The following SCMH1 variants were observed in gnomAD, a reference collection of about 807,000 sequenced individuals.
SCMH1 encodes polycomb protein SCMH1.
A neutral mutation model predicts 70.8 loss-of-function variants in SCMH1; 37 were observed. The observed-to-expected ratio is 0.52, with a 90% confidence interval of 0.40 to 0.69. The LOEUF is 0.69. Among genes scored for constraint, SCMH1 ranks in the 30% least tolerant of loss-of-function variants. SCMH1 has a pLI of 0.00. For synonymous variants in SCMH1, 292 were observed against 307.4 expected (o/e 0.95, Z 0.52); for missense variants, 607 against 827.3 (o/e 0.73, Z 3.27).
chr1:41,224,862 A>C (rs1198212701), intron 1 of SCMH1, among the ~76,000 whole-genome samples: 1 of 152,162 alleles, frequency 6.6e-6, no homozygotes, highest in Admixed American at 6.6e-5. Context: ...CTTTATTACA[A>C]GTGAAGAAAA....
At chr1:41,200,606 C>T (rs773498549) in intron 1 of SCMH1, among the ~76,000 whole-genome samples, 32 of 151,126 alleles carry the variant, frequency 2.1e-4, no homozygotes, top group Non-Finnish European at 3.8e-4. Flanking sequence ...CCTTTACACA[C>T]GCACACATAA....
exon 6 of SCMH1, chr1:41,142,989 G>A (rs1241213097): frequency 2.5e-6 from 4 of 1,614,162 alleles, no homozygotes; most frequent in Non-Finnish European, 3.4e-6. Flanking sequence ...CCATCAAGGC[G>A]CAGGCGAAGG....
chr1:41,041,765 C>G (rs186696724), intron 12 of SCMH1, among the ~76,000 whole-genome samples: 1 of 152,232 alleles, frequency 6.6e-6, no homozygotes, highest in African/African-American at 2.4e-5. Context: ...CTCACAAGAC[C>G]AGGATGACAA....
chr1:41,077,676 C>T (rs771622112), intron 8 of SCMH1, among the ~76,000 whole-genome samples: 2 of 151,958 alleles, frequency 1.3e-5, no homozygotes, highest in East Asian at 1.9e-4. Context: ...CAAGAGGGTC[C>T]GTGTCCAAAA....
At chr1:41,071,391 C>A (rs968436163) in intron 9 of SCMH1, among the ~76,000 whole-genome samples, 1 of 152,052 alleles carries the variant, frequency 6.6e-6, no homozygotes, top group African/African-American at 2.4e-5. Context: ...GTTTTTTGAA[C>A]TGTTGCATTT....
chr1:41,198,489 T>G (rs1476211892), intron 1 of SCMH1, among the ~76,000 whole-genome samples: 2 of 152,218 alleles, frequency 1.3e-5, no homozygotes, highest in Non-Finnish European at 2.9e-5. Context: ...AAGAAGTAAC[T>G]TCCTCAGTTT....
intron 13 of SCMH1, among the ~76,000 whole-genome samples, chr1:41,030,469 G>C (rs1644368172): frequency 1.3e-5 from 2 of 152,254 alleles, no homozygotes; most frequent in Middle Eastern, 6.8e-3. Context: ...TCTTGAATAA[G>C]TCAAGCATTT....
At chr1:41,205,070 T>G (rs1655193961) in intron 1 of SCMH1, among the ~76,000 whole-genome samples, 1 of 152,196 alleles carries the variant, frequency 6.6e-6, no homozygotes, top group African/African-American at 2.4e-5. Context: ...CAAAAATGAC[T>G]GAACTGCAGG....
At chr1:41,217,589 A>G (rs971457205) in intron 1 of SCMH1, among the ~76,000 whole-genome samples, 1 of 152,228 alleles carries the variant, frequency 6.6e-6, no homozygotes, top group Non-Finnish European at 1.5e-5. Flanking sequence ...ATATGTGGAG[A>G]ACATTCTTGT....
At chr1:41,146,906 A>C (rs1170983979) in intron 5 of SCMH1, among the ~76,000 whole-genome samples, 1 of 152,102 alleles carries the variant, frequency 6.6e-6, no homozygotes, top group Non-Finnish European at 1.5e-5. Context: ...TTTTTAATGA[A>C]TCAAAATTTT....
intron 2 of SCMH1, among the ~76,000 whole-genome samples, chr1:41,172,063 A>G (rs76036567): frequency 0.013 from 1,951 of 151,982 alleles, 40 homozygotes; most frequent in African/African-American, 0.045. Flanking sequence ...ATGGAGGCAC[A>G]TGCCTGTGGT....
intron 1 of SCMH1, among the ~76,000 whole-genome samples, chr1:41,192,578 G>A (rs1478512981): frequency 6.6e-6 from 1 of 151,740 alleles, no homozygotes; most frequent in Non-Finnish European, 1.5e-5. Flanking sequence ...GTTAATTTAT[G>A]TTGCTGCTTC....
intron 1 of SCMH1, among the ~76,000 whole-genome samples, chr1:41,205,832 T>G (rs1436758342): frequency 6.6e-6 from 1 of 152,074 alleles, no homozygotes; most frequent in African/African-American, 2.4e-5. Context: ...AGAGAAAGGA[T>G]CAGGCAGCAA....
chr1:41,070,800 T>C (rs2148876515), intron 9 of SCMH1, 79 bp from the exon 10 acceptor site: 3 of 1,526,104 alleles, frequency 2.0e-6, no homozygotes, highest in East Asian at 4.6e-5. Flanking sequence ...AATTCACTCA[T>C]GAAGCAAAAA....
intron 6 of SCMH1, among the ~76,000 whole-genome samples, chr1:41,122,668 G>A (rs534805615): frequency 3.8e-4 from 58 of 152,272 alleles, no homozygotes; most frequent in African/African-American, 1.3e-3. Flanking sequence ...GAAACTCAAC[G>A]TTACAAGTCA....
intron 1 of SCMH1, among the ~76,000 whole-genome samples, chr1:41,189,067 C>CTACAG (rs1650998193): frequency 6.6e-6 from 1 of 151,886 alleles, no homozygotes; most frequent in South Asian, 2.1e-4. Context: ...GAAGGACAAG[C>CTACAG]TACAGGGAGG....
intron 1 of SCMH1, among the ~76,000 whole-genome samples, chr1:41,223,438 T>C (rs1048596592): frequency 6.6e-6 from 1 of 152,224 alleles, no homozygotes; most frequent in Admixed American, 6.5e-5. Flanking sequence ...CTTTGTACTA[T>C]CTTTCTGTTT....
rs1298097681 is a variant in SCMH1 at position 41,205,838 on chromosome 1, A to AGCAATATTTGCTGTTCT, written c.-117-19605_-117-19589dup. ...GAAGCTTCCAGAGAAAGGATCAGGC[A>AGCAATATTTGCTGTTCT]GCAATATTTGCTGTTCTGCAATATT... On this transcript the variant is annotated intron_variant, in intron 1 of 14. Transcript: ENST00000337495. Among the ~76,000 whole-genome samples the AGCAATATTTGCTGTTCT allele has an allele frequency of 1.4e-4, 22 of 152,350 alleles. 1 individual carries two copies. In the East Asian group the frequency reaches 3.9e-3, roughly 27 times the overall value.
chr1:41,045,159 C>G (rs1367107633), intron 12 of SCMH1, among the ~76,000 whole-genome samples: 1 of 152,100 alleles, frequency 6.6e-6, no homozygotes, highest in East Asian at 1.9e-4. Flanking sequence ...GTCCAGACTC[C>G]CAGTGCAACA....
Sources: gnomAD v4.1 joint callset for allele counts (sites outside exome capture counted in the v4.1 genomes callset) on GRCh38, gnomAD v4.1.1 for gene constraint, MANE v1.5 for transcripts, NCBI Gene and HGNC (gene_info 2026-07-23, HGNC 2026-07-21) for gene names.